ELAVL3: variants seen among roughly 807,000 people sequenced by gnomAD.
ELAVL3 encodes ELAV-like protein 3.
A neutral mutation model predicts 34.2 loss-of-function variants in ELAVL3; 8 were observed. The ratio of observed to expected loss-of-function variants is 0.23; its 90% CI spans 0.14 to 0.42. The LOEUF (loss-of-function observed/expected upper bound fraction) is 0.42. Ranked by LOEUF, ELAVL3 falls within the 10% of genes least tolerant of loss-of-function variation. The probability of loss-of-function intolerance (pLI) is 1.00; values close to 1 mark genes in which losing one functional copy is unlikely to be tolerated. For synonymous variants in ELAVL3, 209 were observed against 222.1 expected, an observed-to-expected ratio of 0.94 and a Z score of 0.53; for missense variants, 273 against 518.8, an observed-to-expected ratio of 0.53 and a Z score of 4.60.
chr19:11,461,424 T>C (rs1970881799), intron 3 of ELAVL3, among the ~76,000 whole-genome samples: 2 of 151,716 alleles, frequency 1.3e-5, no homozygotes, highest in African/African-American at 2.4e-5. Context: ...CATCAGCAAT[T>C]CTCCCCCTTA....
Position 11,480,597 on chromosome 19 carries a change from T to G in ELAVL3, c.9+3A>C. The G allele has an allele frequency of 6.7e-7, 1 of 1,485,290 alleles. No homozygotes were observed. Among genetic ancestry groups the G allele is most frequent in the Non-Finnish European group, 9.0e-7 (1 of 1,116,160 alleles). 92.0% of individuals were successfully genotyped at this position (1,485,290 alleles called of 1,614,324 possible). ...TCCCTTTCGGCGACAGGGGAATACC[T>G]ACAGTGACCATTCTTGTGTGCCCGG... is the stretch of plus-strand genomic sequence containing the variant. On this transcript the variant is annotated splice_donor_region_variant and intron_variant, in intron 1 of 6. Coordinates refer to ENST00000359227, the MANE Select transcript of ELAVL3 (RefSeq NM_001420.4). This position sits in a 1 kb window ranked among gnomAD's most constrained non-coding sequence, Gnocchi z 6.8.
At chr19:11,456,824 A>G (rs1970778172) in intron 6 of ELAVL3, among the ~76,000 whole-genome samples, 2 of 152,010 alleles carry the variant, frequency 1.3e-5, no homozygotes, top group African/African-American at 4.8e-5. Flanking sequence ...CCACCGTATC[A>G]GGCTAATCCT....
At chr19:11,465,124 TACACACC>T (rs1971012664) in intron 3 of ELAVL3, among the ~76,000 whole-genome samples, 1 of 73,820 alleles carries the variant, frequency 1.4e-5, no homozygotes, top group African/African-American at 5.4e-5. Context: ...ACCACACACA[TACACACC>T]ACACACATAC....
At chr19:11,479,774 G>A (rs2144921202) in intron 1 of ELAVL3, among the ~76,000 whole-genome samples, 1 of 151,774 alleles carries the variant, frequency 6.6e-6, no homozygotes, top group Non-Finnish European at 1.5e-5. Flanking sequence ...CGGGGCTAGC[G>A]GTGCGGGCGA....
chr19:11,462,294 G>GC (rs1555732092), intron 3 of ELAVL3, among the ~76,000 whole-genome samples: 3 of 150,808 alleles, frequency 2.0e-5, no homozygotes, highest in African/African-American at 7.3e-5. Flanking sequence ...GGGTTCTCCA[G>GC]AAAAAAAAAT....
chr19:11,458,376 T>C lies in ELAVL3; in HGVS notation c.487+82A>G. 6.2e-6 allele frequency: 10 copies of C among 1,606,488 alleles called. No individual in the cohort carries two copies. Among genetic ancestry groups the C allele is most frequent in the Non-Finnish European group, 8.5e-6 (10 of 1,175,602 alleles). On this transcript the variant is annotated intron_variant, in intron 4 of 6. Transcript: ENST00000359227. This position sits in a 1 kb window ranked among gnomAD's most constrained non-coding sequence, Gnocchi z 7.3. Reference sequence around the variant, plus strand: ...CTTCCCTGCTTCATGCCCTGGCATCTTGGTCGGTTTCCCCACGTTGGTCCC... The same window carrying C: ...CTTCCCTGCTTCATGCCCTGGCATCCTGGTCGGTTTCCCCACGTTGGTCCC...
rs1971362135 is a variant in ELAVL3 at position 11,480,719 on chromosome 19, G to A, written c.-111C>T. On this transcript the variant is annotated 5_prime_UTR_variant, in exon 1 of 7. Coordinates refer to ENST00000359227, the MANE Select transcript of ELAVL3 (RefSeq NM_001420.4). The surrounding 1 kb of genome is among the most constrained non-coding windows in gnomAD (Gnocchi z 6.8). ...GGGTCCCGCCCGGGCGGCCTCTGGT[G>A]CGGCCGCTGCAGATGTGGCGATGAA... The A allele has an allele frequency of 9.2e-7, 1 of 1,090,784 alleles. No homozygotes were observed. Among genetic ancestry groups the A allele is most frequent in the Non-Finnish European group, 1.2e-6 (1 of 815,032 alleles). The allele number at this position is 1,090,784 out of a possible 1,614,324, so 67.6% of individuals were successfully genotyped here.
rs78453088 is a variant in ELAVL3 at position 11,454,766 on chromosome 19, C to T, written c.864G>A (p.Val288=). 22 of 1,613,960 alleles carry T rather than the reference C, an allele frequency of 1.4e-5. No individual in the cohort carries two copies. The African/African-American group carries it at 2.7e-4, about 20-fold the overall frequency. ...GAAGAGWCIF[V]YNLSPEADES... ...CGTCTGCCTCCGGTGACAGGTTGTA[C>T]ACGAAGATGCACCAGCCGGCGCCCG... Residue 288 remains valine (V), a synonymous_variant, in exon 7 of 7, where the codon GTG becomes GTA. Coordinates refer to ENST00000359227, the MANE Select transcript of ELAVL3 (RefSeq NM_001420.4). This position sits in a 1 kb window ranked among gnomAD's most constrained non-coding sequence, Gnocchi z 9.2.
rs1244327396 is a variant in ELAVL3 at position 11,451,520 on chromosome 19, T to C, written c.*3006A>G. The C allele has an allele frequency of 6.9e-6, 1 of 144,282 alleles. No individual in the cohort carries two copies. Among genetic ancestry groups the C allele is most frequent in the East Asian group, 2.0e-4 (1 of 5,010 alleles). The allele number at this position is 144,282 out of a possible 1,614,324, so 8.9% of individuals were successfully genotyped here. On this transcript the variant is annotated 3_prime_UTR_variant, in exon 7 of 7. Transcript: ENST00000359227. The stretch of plus-strand genomic sequence containing the variant: ...TTTTTTTTTTTTTTTTTTTTTACAG[T>C]TTTTTATCACCTCCAACATGGACTC...
In ELAVL3 at chr19:11,466,531, G is replaced by T. The variant is rs1206954283; in HGVS notation, c.229+77C>A. 3.9e-5 allele frequency: 59 copies of T among 1,521,288 alleles called. No individual in the cohort carries two copies. Among genetic ancestry groups the T allele is most frequent in the Non-Finnish European group, 5.1e-5 (57 of 1,107,496 alleles). The allele number at this position is 1,521,288 out of a possible 1,614,324, so 94.2% of individuals were successfully genotyped here. A position where few individuals can be genotyped will look rare whatever the true frequency, so the allele number is the denominator to read the frequency against. On this transcript the variant is annotated intron_variant, in intron 2 of 6. Coordinates refer to ENST00000359227, the MANE Select transcript of ELAVL3 (RefSeq NM_001420.4). This position sits in a 1 kb window ranked among gnomAD's most constrained non-coding sequence, Gnocchi z 5.0. Reference sequence around the variant, plus strand: ...ATTACCCCCGAGACACCTCAGCAAGGGTCCCACCTGCCCCCATCACCTCTG... The same window carrying T: ...ATTACCCCCGAGACACCTCAGCAAGTGTCCCACCTGCCCCCATCACCTCTG...
At chr19:11,463,795 C>A (rs2083549071) in intron 3 of ELAVL3, among the ~76,000 whole-genome samples, 1 of 151,932 alleles carries the variant, frequency 6.6e-6, no homozygotes, top group African/African-American at 2.4e-5. Context: ...CATGGAGAAA[C>A]CCTGTCTTTA....
At chr19:11,463,751 C>T (rs1033293624) in intron 3 of ELAVL3, among the ~76,000 whole-genome samples, 3 of 152,036 alleles carry the variant, frequency 2.0e-5, no homozygotes, top group African/African-American at 7.2e-5. Context: ...GTGGGTGGAT[C>T]ACGAGGTCAG....
chr19:11,462,011 T>TA (rs1970895705), intron 3 of ELAVL3, among the ~76,000 whole-genome samples: 1 of 151,750 alleles, frequency 6.6e-6, no homozygotes, highest in Non-Finnish European at 1.5e-5. Context: ...CCATCTCTAC[T>TA]AAAAATACAA....
In ELAVL3 at chr19:11,454,454, T is replaced by C; in HGVS notation, c.*72A>G. 2.9e-6 allele frequency: 4 copies of C among 1,366,368 alleles called. No homozygotes were observed. The highest frequency in any genetic ancestry group is 2.9e-6 in the Non-Finnish European group (3 of 1,031,396). The allele number at this position is 1,366,368 out of a possible 1,614,324, so 84.6% of individuals were successfully genotyped here. A position where few individuals can be genotyped will look rare whatever the true frequency, so the allele number is the denominator to read the frequency against. On this transcript the variant is annotated 3_prime_UTR_variant, in exon 7 of 7. Transcript: ENST00000359227. The surrounding 1 kb of genome is among the most constrained non-coding windows in gnomAD (Gnocchi z 9.2). Reference sequence around the variant, plus strand: ...TGCTGTCTCTCTTGGGCCCCTTCTCTCTCTCTCTCTCTCTTTCTCTCTCTC... The same window carrying C: ...TGCTGTCTCTCTTGGGCCCCTTCTCCCTCTCTCTCTCTCTTTCTCTCTCTC...
chr19:11,477,895 G>T (rs1971292355), intron 1 of ELAVL3, among the ~76,000 whole-genome samples: 1 of 151,850 alleles, frequency 6.6e-6, no homozygotes. Flanking sequence ...TCACCATATT[G>T]GCCAGGCTGG....
chr19:11,465,308 C>A (rs576063914), intron 3 of ELAVL3, among the ~76,000 whole-genome samples: 7 of 146,620 alleles, frequency 4.8e-5, no homozygotes, highest in African/African-American at 7.6e-5. Flanking sequence ...ACACACACAC[C>A]ACACACATAC....
intron 6 of ELAVL3, among the ~76,000 whole-genome samples, chr19:11,455,237 C>A (rs1376411826): frequency 1.3e-5 from 2 of 151,670 alleles, no homozygotes; most frequent in Non-Finnish European, 2.9e-5. Flanking sequence ...CAGGCTCAAG[C>A]AATCCTCCTG....
chr19:11,480,168 C>T lies in ELAVL3; in HGVS notation c.9+432G>A, dbSNP rs1340269880. ...GAGGCCCGGGGCGCGCGATCCGACG[C>T]CACCCGCTTTCCCAGGGCTCTCGGG... On this transcript the variant is annotated intron_variant, in intron 1 of 6. Coordinates refer to ENST00000359227, the MANE Select transcript of ELAVL3 (RefSeq NM_001420.4). The surrounding 1 kb of genome is among the most constrained non-coding windows in gnomAD (Gnocchi z 6.8). The T allele has an allele frequency of 1.2e-5, 2 of 163,008 alleles. No individual in the cohort carries two copies. Among genetic ancestry groups the T allele is most frequent in the Non-Finnish European group, 2.6e-5 (2 of 75,590 alleles). 10.1% of individuals were successfully genotyped at this position (163,008 alleles called of 1,614,324 possible).
chr19:11,455,002 CA>C (rs1387795658), intron 6 of ELAVL3, 125 bp from the exon 7 acceptor site: 12 of 1,127,164 alleles, frequency 1.1e-5, no homozygotes, highest in Admixed American at 2.3e-5. Flanking sequence ...CCCTGCAATG[CA>C]ATTTTTTTTT....
Sources: allele counts gnomAD v4.1 joint callset (sites outside exome capture counted in the v4.1 genomes callset), GRCh38; gene constraint gnomAD v4.1.1; non-coding constraint Gnocchi (gnomAD v3.1); transcripts MANE v1.5; gene names NCBI Gene and HGNC (gene_info 2026-07-23, HGNC 2026-07-21).